The following CCDC93 variants were observed in gnomAD, a reference collection of about 807,000 sequenced individuals.
CCDC93 encodes coiled-coil domain-containing protein 93.
In CCDC93, 61 loss-of-function variants were observed where a neutral mutation model predicts 108.2. That is an observed-to-expected ratio of 0.56 (90% confidence interval 0.46 to 0.70). The LOEUF (loss-of-function observed/expected upper bound fraction) is 0.70, where lower values mean the gene tolerates loss of function less well. CCDC93 is among the 30% of genes least tolerant of loss of function. The probability of loss-of-function intolerance (pLI) is 0.00; values close to 1 mark genes in which losing one functional copy is unlikely to be tolerated. For synonymous variants in CCDC93, 276 were observed against 260.4 expected, an observed-to-expected ratio of 1.06 and a Z score of -0.58; for missense variants, 685 against 764.2, an observed-to-expected ratio of 0.90 and a Z score of 1.22.
At chr2:117,931,917 G>A (rs532988072) in intron 22 of CCDC93, among the ~76,000 whole-genome samples, 52 of 152,304 alleles carry the variant, frequency 3.4e-4, no homozygotes, top group African/African-American at 1.2e-3. Context: ...ACGTGTAGTG[G>A]TGAACATGGC....
intron 13 of CCDC93, chr2:117,950,688 G>A: frequency 1.0e-6 from 1 of 985,442 alleles, no homozygotes. Context: ...ACCAGGCCCA[G>A]AGGTGAAAAA....
rs180930914 is a variant in CCDC93, at chr2:117,915,639, G to C, written c.*4704C>G. 1 of 151,894 alleles carries C rather than the reference G, an allele frequency of 6.6e-6. No homozygotes were observed. The highest frequency in any genetic ancestry group is 2.4e-5 in the African/African-American group (1 of 41,344). The allele number at this position is 151,894 out of a possible 1,614,324, so 9.4% of individuals were successfully genotyped here. A position where few individuals can be genotyped will look rare whatever the true frequency, so the allele number is the denominator to read the frequency against. ...GGTACAAAATTCAAAAGGTACAAAA[G>C]GTGTACATTGAAAAGTCATTCCCAC... On this transcript the variant is annotated 3_prime_UTR_variant, in exon 24 of 24. Coordinates refer to ENST00000376300, the MANE Select transcript of CCDC93 (RefSeq NM_019044.5).
At chr2:117,975,885 A>C (rs1679928795) in intron 8 of CCDC93, among the ~76,000 whole-genome samples, 1 of 152,214 alleles carries the variant, frequency 6.6e-6, no homozygotes, top group African/African-American at 2.4e-5. Context: ...ATGATCAAGC[A>C]GCATGCTCTG....
chr2:118,014,041 T>G lies in CCDC93; in HGVS notation c.-46A>C, dbSNP rs1426738600. The G allele has an allele frequency of 4.4e-6, 7 of 1,577,972 alleles. No individual in the cohort carries two copies. The highest frequency in any genetic ancestry group is 1.2e-5 in the South Asian group (1 of 85,888). Reference sequence around the variant, plus strand: ...AGGCGAGAGCGAAGCCCGCCAAGCGTCCGGAGGAAGCTGTCCCTGCCGCGG... The same window carrying G: ...AGGCGAGAGCGAAGCCCGCCAAGCGGCCGGAGGAAGCTGTCCCTGCCGCGG... On this transcript the variant is annotated 5_prime_UTR_variant, in exon 1 of 24. Coordinates refer to ENST00000376300, the MANE Select transcript of CCDC93 (RefSeq NM_019044.5).
chr2:117,926,851 A>G (rs1678125549), intron 23 of CCDC93, among the ~76,000 whole-genome samples: 1 of 152,218 alleles, frequency 6.6e-6, no homozygotes, highest in African/African-American at 2.4e-5. Flanking sequence ...CCTGATGAAC[A>G]TTGATGCAAA....
chr2:117,946,754 C>T, intron 16 of CCDC93, 57 bp downstream of exon 16: 1 of 1,258,996 alleles, frequency 7.9e-7, no homozygotes, highest in Admixed American at 1.7e-5. Flanking sequence ...TCCTCTAGAA[C>T]TATCTTTTTC....
chr2:117,995,408 G>A lies in CCDC93; in HGVS notation c.519+38C>T, dbSNP rs776750546. The A allele has an allele frequency of 4.0e-6, 6 of 1,500,788 alleles. No individual in the cohort carries two copies. The East Asian group carries it at 9.0e-5, about 23-fold the overall frequency. The allele number at this position is 1,500,788 out of a possible 1,614,324, so 93.0% of individuals were successfully genotyped here. On this transcript the variant is annotated intron_variant, in intron 6 of 23. Coordinates refer to ENST00000376300, the MANE Select transcript of CCDC93 (RefSeq NM_019044.5). ...TTAACAAAGGGCTATCTGAGGCTAC[G>A]CAGGACTCTGACAGAAGAATACGGC... is the stretch of plus-strand genomic sequence containing the variant.
chr2:117,925,076 G>T (rs1335344043), intron 23 of CCDC93, among the ~76,000 whole-genome samples: 3 of 152,140 alleles, frequency 2.0e-5, no homozygotes, highest in African/African-American at 7.2e-5. Flanking sequence ...AATGCTGAGA[G>T]ATTTTGTCAC....
intron 22 of CCDC93, chr2:117,931,595 T>C (rs181464150): frequency 1.8e-3 from 276 of 155,070 alleles, no homozygotes; most frequent in Non-Finnish European, 3.2e-3. Flanking sequence ...TAGCCCGAAA[T>C]GTTAACTGTG....
At chr2:117,936,863 G>C in intron 20 of CCDC93, 124 bp from the exon 21 acceptor site, 1 of 763,522 alleles carries the variant, frequency 1.3e-6, no homozygotes. Context: ...CCTTGTTTAT[G>C]AAGATTAAAG....
intron 13 of CCDC93, chr2:117,951,507 T>A (rs1221622006): frequency 1.0e-6 from 1 of 992,370 alleles, no homozygotes; most frequent in African/African-American, 1.7e-5. Flanking sequence ...TTTAAATTGG[T>A]AAATGTCATG....
At chr2:118,008,289 A>C (rs917775519) in intron 2 of CCDC93, among the ~76,000 whole-genome samples, 1 of 152,248 alleles carries the variant, frequency 6.6e-6, no homozygotes. Context: ...ATTCCTTGAA[A>C]GAAGGAACTA....
chr2:117,954,026 C>A lies in CCDC93; in HGVS notation c.1006-1591G>T, dbSNP rs114720348. ...GGTGCCTCGATCTTGGACTTCCCAA[C>A]CTTCAGAACTGTAAGCAACAAATTA... On this transcript the variant is annotated intron_variant, in intron 12 of 23. Coordinates refer to ENST00000376300, the MANE Select transcript of CCDC93 (RefSeq NM_019044.5). 5.0e-3 allele frequency among the ~76,000 whole-genome samples: 758 copies of A among 152,276 alleles called. 4 individuals carry two copies. Among genetic ancestry groups the A allele is most frequent in the Non-Finnish European group, 7.8e-3 (528 of 68,024 alleles).
At chr2:117,993,463 A>C (rs931008858) in intron 6 of CCDC93, among the ~76,000 whole-genome samples, 11 of 150,262 alleles carry the variant, frequency 7.3e-5, no homozygotes, top group South Asian at 2.1e-4. Context: ...AAAACACCTT[A>C]ATGTGTACTT....
At chr2:117,951,215 A>T (rs1679046001) in intron 13 of CCDC93, 1 of 985,324 alleles carries the variant, frequency 1.0e-6, no homozygotes, top group Non-Finnish European at 1.2e-6. Context: ...GCTCTGCGGC[A>T]TTAAAATATC....
chr2:117,959,712 T>TGGGCTGGTAGGCCATAAA (rs1679329073), intron 11 of CCDC93, among the ~76,000 whole-genome samples: 1 of 152,244 alleles, frequency 6.6e-6, no homozygotes. Context: ...TTCTGTCTCA[T>TGGGCTGGTAGGCCATAAA]GGGCTGGTAG....
At chr2:117,985,159 A>C (rs1421670468) in intron 7 of CCDC93, among the ~76,000 whole-genome samples, 6 of 150,126 alleles carry the variant, frequency 4.0e-5, no homozygotes, top group African/African-American at 2.5e-5. Flanking sequence ...AAAAAAAAAA[A>C]CATAAGCAAT....
chr2:117,947,170 C>T (rs1195229457), intron 15 of CCDC93, among the ~76,000 whole-genome samples: 2 of 152,156 alleles, frequency 1.3e-5, no homozygotes, highest in Non-Finnish European at 2.9e-5. Flanking sequence ...GAGCCTAGTT[C>T]CAGTTAGTCT....
intron 17 of CCDC93, among the ~76,000 whole-genome samples, chr2:117,944,948 T>C (rs541090414): frequency 2.1e-4 from 32 of 152,344 alleles, no homozygotes; most frequent in Middle Eastern, 6.8e-3. Flanking sequence ...AACTCAGAAG[T>C]GGGTGGCAAA....
Sources: allele counts gnomAD v4.1 joint callset (sites outside exome capture counted in the v4.1 genomes callset), GRCh38; gene constraint gnomAD v4.1.1; transcripts MANE v1.5; gene names NCBI Gene and HGNC (gene_info 2026-07-23, HGNC 2026-07-21).